Variants in PTK7 observed in about 807,000 individuals in gnomAD.
PTK7 encodes the protein inactive tyrosine-protein kinase 7.
In PTK7, 39 loss-of-function variants were observed where a neutral mutation model predicts 116.6. The ratio of observed to expected loss-of-function variants is 0.33; its 90% CI spans 0.26 to 0.44. The LOEUF (loss-of-function observed/expected upper bound fraction) is 0.44, where lower values mean the gene tolerates loss of function less well. Ranked by LOEUF, PTK7 falls within the 20% of genes least tolerant of loss-of-function variation. The probability of loss-of-function intolerance (pLI) is 1.00; values close to 1 mark genes in which losing one functional copy is unlikely to be tolerated. For missense variants in PTK7, 1,169 were observed against 1,425.6 expected (o/e 0.82, Z 2.90); for synonymous variants, 546 against 563.6 (o/e 0.97, Z 0.44).
At chr6:43,087,107 C>T (rs1561933230) in intron 1 of PTK7, among the ~76,000 whole-genome samples, 1 of 152,228 alleles carries the variant, frequency 6.6e-6, no homozygotes, top group African/African-American at 2.4e-5. Flanking sequence ...TACTGTTCTG[C>T]CTCCTATGGT....
intron 10 of PTK7, among the ~76,000 whole-genome samples, chr6:43,140,417 C>T (rs1046759339): frequency 1.0e-4 from 15 of 147,150 alleles, no homozygotes; most frequent in Admixed American, 8.2e-4. Flanking sequence ...TGTGCCACTG[C>T]ACTTCAGCCT....
At chr6:43,135,966 G>A (rs1770011345) in intron 7 of PTK7, among the ~76,000 whole-genome samples, 2 of 152,090 alleles carry the variant, frequency 1.3e-5, no homozygotes, top group African/African-American at 2.4e-5. Context: ...GAGGCAGGTG[G>A]ATCACGAGGT....
chr6:43,148,630 C>T (rs903904336), intron 17 of PTK7, among the ~76,000 whole-genome samples: 1 of 152,180 alleles, frequency 6.6e-6, no homozygotes, highest in African/African-American at 2.4e-5. Context: ...TATTTGACTG[C>T]AAGTCATCAC....
intron 1 of PTK7, among the ~76,000 whole-genome samples, chr6:43,097,476 G>A (rs752782895): frequency 1.3e-5 from 2 of 152,154 alleles, no homozygotes; most frequent in Non-Finnish European, 2.9e-5. Flanking sequence ...TTACATAGAC[G>A]ATTTTGTATT....
chr6:43,120,793 G>T (rs1214602704), intron 1 of PTK7, among the ~76,000 whole-genome samples: 1 of 152,138 alleles, frequency 6.6e-6, no homozygotes, highest in Non-Finnish European at 1.5e-5. Flanking sequence ...ATTGACCAGG[G>T]TCACCCTCAT....
rs1194449524 is a variant in PTK7 at position 43,158,960 on chromosome 6, G to A, written c.2865G>A (p.Val955=). Residue 955 remains valine (V), a synonymous_variant, in exon 18 of 20, where the codon GTG becomes GTA. Transcript: ENST00000230419. ...CTGCCCTGGGCCTCAGCAAGGATGT[G>A]TACAACAGGTAGAAGGGCATGCGTG... ...KVSALGLSKD[V]YNSEYYHFRQ... is the part of the protein sequence containing the mutation. 1 of 1,614,060 alleles carries A rather than the reference G, an allele frequency of 6.2e-7. No individual in the cohort carries two copies. Among genetic ancestry groups the A allele is most frequent in the African/African-American group, 1.3e-5 (1 of 75,046 alleles).
intron 17 of PTK7, among the ~76,000 whole-genome samples, chr6:43,152,469 C>T (rs907145971): frequency 6.6e-5 from 10 of 152,208 alleles, no homozygotes; most frequent in Non-Finnish European, 1.2e-4. Flanking sequence ...GCGGAGGTTG[C>T]GGAGAGCTGA....
intron 1 of PTK7, among the ~76,000 whole-genome samples, chr6:43,095,517 C>G (rs969364717): frequency 6.6e-6 from 1 of 152,132 alleles, no homozygotes; most frequent in Non-Finnish European, 1.5e-5. Context: ...ATTCTTTCTG[C>G]GTTGTCACTG....
Position 43,160,864 on chromosome 6 carries a change from G to C in PTK7, c.3196G>C (p.Val1066Leu). 1 of 1,613,992 alleles carries C rather than the reference G, an allele frequency of 6.2e-7. No individual in the cohort carries two copies. Among genetic ancestry groups the C allele is most frequent in the Non-Finnish European group, 8.5e-7 (1 of 1,180,018 alleles). Residue 1066 changes from valine to leucine, a missense_variant, in exon 20 of 20, where the codon GTG (valine) becomes CTG (leucine). By Grantham distance (32) the Val-to-Leu change is conservative. Coordinates refer to ENST00000230419, the MANE Select transcript of PTK7 (RefSeq NM_002821.5). ...EIASALGDST[V>L]DSKP ...TGCCAGCGCCCTGGGAGACAGCACC[G>C]TGGACAGCAAGCCGTGAGGAGGGAG...
rs755483046 is a variant in PTK7 at position 43,130,590 on chromosome 6, G to A, written c.741G>A (p.Gln247=). The part of the protein sequence containing the change: ...ARYEEAMFHC[Q]FSAQPPPSLQ... ...ATGAGGAGGCCATGTTCCATTGCCA[G>A]TTCTCAGCCCAGCCACCCCCGAGCC... Residue 247 remains glutamine, a synonymous_variant, in exon 5 of 20, where the codon CAG becomes CAA. Coordinates refer to ENST00000230419, the MANE Select transcript of PTK7 (RefSeq NM_002821.5). 2.5e-6 allele frequency: 4 copies of A among 1,614,044 alleles called. No individual in the cohort carries two copies. In the South Asian group the frequency reaches 4.4e-5, roughly 18 times the overall value.
chr6:43,116,651 T>TGTGTGTGTGCGCGCGC (rs1323606377), intron 1 of PTK7, among the ~76,000 whole-genome samples: 12 of 77,208 alleles, frequency 1.6e-4, no homozygotes, highest in African/African-American at 7.8e-4. Context: ...TGTGTGTGTG[T>TGTGTGTGTGCGCGCGC]GCGCGCGCAC....
intron 1 of PTK7, among the ~76,000 whole-genome samples, chr6:43,103,268 G>A (rs1489077915): frequency 6.6e-6 from 1 of 152,212 alleles, no homozygotes; most frequent in Admixed American, 6.5e-5. Context: ...CAGTCGAAGG[G>A]GGTGAAAGAG....
At position 43,077,081 on chromosome 6, in the gene PTK7, T is replaced by C; in HGVS notation, c.79+514T>C. 3 of 1,249,600 alleles carry C rather than the reference T, an allele frequency of 2.4e-6. 1 individual carries two copies. In the South Asian group the frequency reaches 7.2e-5, roughly 30 times the overall value. The allele number at this position is 1,249,600 out of a possible 1,614,324, so 77.4% of individuals were successfully genotyped here. A position where few individuals can be genotyped will look rare whatever the true frequency, so the allele number is the denominator to read the frequency against. On this transcript the variant is annotated intron_variant, in intron 1 of 19. Transcript: ENST00000230419. ...CTACGCCGACCCGACGTTCCCGGCTTCCCTCCTCCGAGTTCCTGGGCAAAG... is the reference window on the plus strand; with the variant it reads ...CTACGCCGACCCGACGTTCCCGGCTCCCCTCCTCCGAGTTCCTGGGCAAAG...
At chr6:43,153,782 A>G (rs1771264659) in intron 17 of PTK7, among the ~76,000 whole-genome samples, 1 of 151,936 alleles carries the variant, frequency 6.6e-6, no homozygotes, top group Admixed American at 6.6e-5. Flanking sequence ...CATACCTGTA[A>G]TCGCAGCACT....
chr6:43,109,108 A>G (rs1475901997), intron 1 of PTK7, among the ~76,000 whole-genome samples: 1 of 152,090 alleles, frequency 6.6e-6, no homozygotes, highest in African/African-American at 2.4e-5. Context: ...AACCTATTTG[A>G]TGTGTTTTAG....
Position 43,144,323 on chromosome 6 carries a change from C to T in PTK7, c.2252-128C>T. ...CATTATTTCATCATTTGGGCTTGCC[C>T]TTTCATGTGGAGCACTGTGATTGGA... On this transcript the variant is annotated intron_variant, in intron 14 of 19. Coordinates refer to ENST00000230419, the MANE Select transcript of PTK7 (RefSeq NM_002821.5). The T allele has an allele frequency of 2.5e-6, 3 of 1,206,924 alleles. No homozygotes were observed. The Admixed American group carries it at 5.9e-5, about 24-fold the overall frequency. 74.8% of individuals were successfully genotyped at this position (1,206,924 alleles called of 1,614,324 possible). A position where few individuals can be genotyped will look rare whatever the true frequency, so the allele number is the denominator to read the frequency against.
At chr6:43,104,829 TTGAGACG>T (rs1374994481) in intron 1 of PTK7, among the ~76,000 whole-genome samples, 14 of 143,266 alleles carry the variant, frequency 9.8e-5, no homozygotes, top group African/African-American at 3.6e-4. Flanking sequence ...TTTTTTTTTT[TTGAGACG>T]GAGTCTCACT....
intron 1 of PTK7, among the ~76,000 whole-genome samples, chr6:43,089,456 T>A (rs1766830009): frequency 6.6e-6 from 1 of 152,132 alleles, no homozygotes; most frequent in African/African-American, 2.4e-5. Context: ...GATCCAAACC[T>A]AATTTCCAGC....
chr6:43,118,620 CCTCTCTCTCTCTCTCTCTCT>C (rs1170818291), intron 1 of PTK7, among the ~76,000 whole-genome samples: 8 of 63,364 alleles, frequency 1.3e-4, no homozygotes, highest in African/African-American at 3.2e-4. Context: ...AATATTTTAA[CCTCTCTCTCTCTCTCTCTCT>C]CTCTCTCTCT....
Sources: allele counts gnomAD v4.1 joint callset (sites outside exome capture counted in the v4.1 genomes callset), GRCh38; gene constraint gnomAD v4.1.1; transcripts MANE v1.5; gene names NCBI Gene and HGNC (gene_info 2026-07-23, HGNC 2026-07-21).